The following SNX29 variants were observed in gnomAD, a reference collection of about 807,000 sequenced individuals.
SNX29 encodes the protein sorting nexin 29, also known as sorting nexin-29.
SNX29 carries 78 observed loss-of-function variants against 102.1 expected under a neutral mutation model. That is an observed-to-expected ratio of 0.76 (90% CI 0.64 to 0.92). SNX29 has a LOEUF of 0.92. SNX29 is among the 40% of genes least tolerant of loss of function. SNX29 has a pLI of 0.00. For synonymous variants in SNX29, 580 were observed against 414.5 expected (o/e 1.40, Z -4.85); for missense variants, 1,280 against 1,061.7 (o/e 1.21, Z -2.86).
intron 13 of SNX29, among the ~76,000 whole-genome samples, chr16:12,147,777 G>T (rs1160919535): frequency 1.3e-5 from 2 of 152,210 alleles, no homozygotes; most frequent in East Asian, 3.8e-4. Flanking sequence ...TCACAAGGTG[G>T]CAATTTCCAT....
At chr16:12,310,092 G>GCACACACATGCACACATA (rs1339922628) in intron 15 of SNX29, among the ~76,000 whole-genome samples, 1 of 142,576 alleles carries the variant, frequency 7.0e-6, no homozygotes, top group East Asian at 2.0e-4. Context: ...GTGCACACAT[G>GCACACACATGCACACATA]CACACACATG....
chr16:12,112,386 G>A (rs750911792), intron 11 of SNX29, among the ~76,000 whole-genome samples: 3 of 152,138 alleles, frequency 2.0e-5, no homozygotes, highest in Non-Finnish European at 2.9e-5. Flanking sequence ...GGCAGACTTC[G>A]GGCACCTCCA....
chr16:12,054,998 C>G (rs1430338269), intron 8 of SNX29, among the ~76,000 whole-genome samples: 1 of 152,090 alleles, frequency 6.6e-6, no homozygotes, highest in East Asian at 1.9e-4. Flanking sequence ...TTTCAGCAGC[C>G]TTGTTCTTGC....
rs2054081450 is a variant in SNX29 at position 12,123,738 on chromosome 16, G to A, written c.1403-2895G>A. 2.6e-5 allele frequency among the ~76,000 whole-genome samples: 4 copies of A among 152,256 alleles called. 1 individual carries two copies. The South Asian group carries it at 8.3e-4, about 32-fold the overall frequency. ...CTGAATGAAGAAGGCTGAGAGTGGGGCATGGAGGGAAGAACTTGCGATGTT... is the reference window on the plus strand; with the variant it reads ...CTGAATGAAGAAGGCTGAGAGTGGGACATGGAGGGAAGAACTTGCGATGTT... On this transcript the variant is annotated intron_variant, in intron 11 of 20. Transcript: ENST00000566228.
intron 18 of SNX29, among the ~76,000 whole-genome samples, chr16:12,460,267 A>T (rs1278696716): frequency 1.3e-5 from 2 of 152,228 alleles, no homozygotes; most frequent in African/African-American, 4.8e-5. Flanking sequence ...CAGAGGGGGA[A>T]ACCCTAAAAC....
At position 12,570,375 on chromosome 16, in the gene SNX29, T is replaced by C. The variant is rs374273825; in HGVS notation, c.*1746T>C. The C allele has an allele frequency of 1.4e-4, 61 of 443,016 alleles. No homozygotes were observed. The highest frequency in any genetic ancestry group is 9.6e-4 in the African/African-American group (47 of 49,138). The allele number at this position is 443,016 out of a possible 1,614,324, so 27.4% of individuals were successfully genotyped here. On this transcript the variant is annotated 3_prime_UTR_variant, in exon 21 of 21. Coordinates refer to ENST00000566228, the MANE Select transcript of SNX29 (RefSeq NM_032167.5). The stretch of plus-strand genomic sequence containing the variant: ...CAACATTGCTGCAATACACATGGTT[T>C]ATCTGAAATTCCAAGGCCAGAGTGC...
At chr16:12,444,859 AGACAGAGTCTCACTCT>A (rs1454980801) in intron 18 of SNX29, among the ~76,000 whole-genome samples, 3 of 63,448 alleles carry the variant, frequency 4.7e-5, no homozygotes, top group Admixed American at 1.7e-4. Flanking sequence ...TTTTTTTTTG[AGACAGAGTCTCACTCT>A]GACAGAGTCT....
chr16:12,325,850 G>T (rs1262831863), intron 15 of SNX29, among the ~76,000 whole-genome samples: 1 of 151,972 alleles, frequency 6.6e-6, no homozygotes, highest in African/African-American at 2.4e-5. Context: ...AACACAACAA[G>T]ATCCTGTCTC....
At chr16:12,528,045 T>C (rs1290853814) in intron 20 of SNX29, among the ~76,000 whole-genome samples, 1 of 152,046 alleles carries the variant, frequency 6.6e-6, no homozygotes, top group Non-Finnish European at 1.5e-5. Context: ...CAGGATGGTC[T>C]CGATCTCCTG....
intron 11 of SNX29, among the ~76,000 whole-genome samples, chr16:12,092,730 C>T (rs1480639796): frequency 1.3e-5 from 2 of 152,328 alleles, no homozygotes; most frequent in South Asian, 2.1e-4. Flanking sequence ...TCCACATTCT[C>T]ATTTGCGGTG....
intron 18 of SNX29, among the ~76,000 whole-genome samples, chr16:12,439,789 G>A (rs143309360): frequency 9.7e-4 from 148 of 152,332 alleles, no homozygotes; most frequent in African/African-American, 3.5e-3. Context: ...CTGAGACTCA[G>A]TTTCCCACTT....
At chr16:12,013,606 T>C (rs530450135) in intron 3 of SNX29, among the ~76,000 whole-genome samples, 1 of 141,764 alleles carries the variant, frequency 7.1e-6, no homozygotes, top group African/African-American at 2.6e-5. Context: ...AAAAGAAATA[T>C]ATATTGGTTT....
chr16:12,564,453 G>C (rs2078904929), intron 20 of SNX29, among the ~76,000 whole-genome samples: 1 of 152,150 alleles, frequency 6.6e-6, no homozygotes, highest in African/African-American at 2.4e-5. Flanking sequence ...AGAAAGCTGT[G>C]TTTTGGGGAG....
chr16:12,054,483 C>G (rs541666910), intron 8 of SNX29, among the ~76,000 whole-genome samples: 17 of 152,348 alleles, frequency 1.1e-4, no homozygotes, highest in South Asian at 6.2e-4. Context: ...TGGACCTCAT[C>G]CAATCCATTG....
intron 11 of SNX29, among the ~76,000 whole-genome samples, chr16:12,114,964 C>T (rs959811372): frequency 3.9e-5 from 6 of 152,170 alleles, no homozygotes; most frequent in African/African-American, 1.4e-4. Flanking sequence ...CTGTGCCTGG[C>T]ACTCGGCTGG....
intron 4 of SNX29, among the ~76,000 whole-genome samples, chr16:12,033,596 C>T (rs1416425560): frequency 6.6e-6 from 1 of 151,914 alleles, no homozygotes. Flanking sequence ...ATGGAACTAC[C>T]CGTTTTCTTT....
intron 20 of SNX29, among the ~76,000 whole-genome samples, chr16:12,565,224 A>C (rs1042550252): frequency 6.6e-6 from 1 of 152,168 alleles, no homozygotes; most frequent in African/African-American, 2.4e-5. Context: ...CATTACCAGT[A>C]TTAGGCTGTT....
chr16:12,518,252 C>T (rs1485595051), intron 19 of SNX29, among the ~76,000 whole-genome samples: 2 of 152,144 alleles, frequency 1.3e-5, no homozygotes, highest in Non-Finnish European at 2.9e-5. Context: ...TACCTGATGC[C>T]TCCCACCTCC....
chr16:12,560,001 C>T (rs1430422538), intron 20 of SNX29, among the ~76,000 whole-genome samples: 3 of 152,156 alleles, frequency 2.0e-5, no homozygotes, highest in East Asian at 1.9e-4. Flanking sequence ...TTGCAAGCAA[C>T]TTCACTTACA....
Sources: gnomAD v4.1 joint callset for allele counts (sites outside exome capture counted in the v4.1 genomes callset) on GRCh38, gnomAD v4.1.1 for gene constraint, MANE v1.5 for transcripts, NCBI Gene and HGNC (gene_info 2026-07-23, HGNC 2026-07-21) for gene names.